Variants in THRB observed in about 807,000 individuals in gnomAD.
The protein encoded by THRB is nuclear receptor subfamily 1 group A member 2.
Under a neutral mutation model 47.8 loss-of-function variants are expected in THRB, and 12 were observed. The observed-to-expected ratio is 0.25, with a 90% confidence interval of 0.16 to 0.41. The LOEUF is 0.41. Ranked by LOEUF, THRB falls within the 10% of genes least tolerant of loss-of-function variation. The pLI, the probability that THRB is intolerant of heterozygous loss-of-function variation, is 1.00. For synonymous variants in THRB, 218 were observed against 212.2 expected, an observed-to-expected ratio of 1.03 and a Z score of -0.24; for missense variants, 348 against 589.2, an observed-to-expected ratio of 0.59 and a Z score of 4.24.
chr3:24,172,952 C>G (rs978588082), intron 5 of THRB, among the ~76,000 whole-genome samples: 2 of 152,090 alleles, frequency 1.3e-5, no homozygotes, highest in East Asian at 3.9e-4. Context: ...TGAAATATGT[C>G]AATTTCTAGG....
intron 5 of THRB, among the ~76,000 whole-genome samples, chr3:24,155,531 C>T (rs2037687352): frequency 6.6e-6 from 1 of 152,168 alleles, no homozygotes. Flanking sequence ...CACATAGTGA[C>T]TAGGTAGGTG....
intron 5 of THRB, among the ~76,000 whole-genome samples, chr3:24,158,867 TCTCTC>T (rs1559478849): frequency 6.8e-5 from 10 of 146,080 alleles, no homozygotes; most frequent in Admixed American, 2.1e-4. Context: ...TCTCTCTCTC[TCTCTC>T]GCATACTTGG....
rs2057629590 is a variant in THRB at position 24,309,877 on chromosome 3, A to T, written c.-188-12506T>A. 2.6e-5 allele frequency among the ~76,000 whole-genome samples: 4 copies of T among 152,214 alleles called. No individual in the cohort carries two copies. In the South Asian group the frequency reaches 8.3e-4, roughly 32 times the overall value. Reference sequence around the variant, plus strand: ...TGTATACCACTGATTAAATAAATTAAAAAACTCCATTCCCCTATTCAGTGC... The same window carrying T: ...TGTATACCACTGATTAAATAAATTATAAAACTCCATTCCCCTATTCAGTGC... On this transcript the variant is annotated intron_variant, in intron 2 of 10. Coordinates refer to ENST00000646209, the MANE Select transcript of THRB (RefSeq NM_001354712.2).
At chr3:24,254,164 C>T (rs2050970490) in intron 3 of THRB, among the ~76,000 whole-genome samples, 1 of 127,164 alleles carries the variant, frequency 7.9e-6, no homozygotes, top group African/African-American at 3.0e-5. Context: ...GAGATCGAGA[C>T]CATCCTGGCT....
intron 6 of THRB, among the ~76,000 whole-genome samples, chr3:24,147,370 AGACAGCCAT>A (rs2036230536): frequency 6.6e-6 from 1 of 152,212 alleles, no homozygotes; most frequent in South Asian, 2.1e-4. Flanking sequence ...TTGAATCTTG[AGACAGCCAT>A]GATCAGCTCA....
At position 24,119,222 on chromosome 3, in the gene THRB, G is replaced by A. The variant is rs938872024; in HGVS notation, c.*3662C>T. The stretch of plus-strand genomic sequence containing the variant: ...TTATTAAAATAACAGGAAAAATTAC[G>A]AGCTTATTTTAGAACCTGATGCCAT... On this transcript the variant is annotated 3_prime_UTR_variant, in exon 11 of 11. Transcript: ENST00000646209. 2 of 152,114 alleles carry A rather than the reference G, an allele frequency of 1.3e-5. No individual in the cohort carries two copies. The highest frequency in any genetic ancestry group is 2.4e-5 in the African/African-American group (1 of 41,314). 9.4% of individuals were successfully genotyped at this position (152,114 alleles called of 1,614,324 possible).
chr3:24,234,762 T>C (rs1368695068), intron 3 of THRB, among the ~76,000 whole-genome samples: 1 of 152,206 alleles, frequency 6.6e-6, no homozygotes, highest in Non-Finnish European at 1.5e-5. Context: ...TATGTGAGTT[T>C]GGCTTTGGAA....
Position 24,292,428 on chromosome 3 carries a change from C to T in THRB, c.-43+4798G>A, listed in dbSNP as rs2056021893. On this transcript the variant is annotated intron_variant, in intron 3 of 10. Coordinates refer to ENST00000646209, the MANE Select transcript of THRB (RefSeq NM_001354712.2). ...AGAAGCATCAGGGACACATCCAATT[C>T]TAATATTTATATTTTTAGATGGTGG... Among the ~76,000 whole-genome samples, 4 of 152,242 alleles carry T rather than the reference C, an allele frequency of 2.6e-5. No homozygotes were observed. The South Asian group carries it at 8.3e-4, about 32-fold the overall frequency.
intron 1 of THRB, among the ~76,000 whole-genome samples, chr3:24,449,621 T>C (rs113151225): frequency 6.6e-6 from 1 of 152,200 alleles, no homozygotes; most frequent in East Asian, 1.9e-4. Context: ...TTCTGCATAA[T>C]GCTTGTCTGT....
intron 1 of THRB, among the ~76,000 whole-genome samples, chr3:24,485,195 T>C (rs1318987544): frequency 6.6e-6 from 1 of 152,210 alleles, no homozygotes; most frequent in East Asian, 1.9e-4. Context: ...GAGAAACCCT[T>C]GAAGTAATAT....
chr3:24,129,346 A>C (rs539265366), intron 9 of THRB, among the ~76,000 whole-genome samples: 21 of 152,332 alleles, frequency 1.4e-4, no homozygotes, highest in Non-Finnish European at 2.5e-4. Flanking sequence ...ACTCTTGAGA[A>C]CCACTAGCAT....
At position 24,486,179 on chromosome 3, in the gene THRB, C is replaced by T. The variant is rs185456905; in HGVS notation, c.-261+8473G>A. 7.2e-5 allele frequency among the ~76,000 whole-genome samples: 11 copies of T among 152,228 alleles called. 1 individual carries two copies. In the East Asian group the frequency reaches 2.1e-3, roughly 29 times the overall value. ...GGTAGAAGCCAGCAATGCTGCTAAA[C>T]ATCCTGTAATATATACGACAGCCCT... On this transcript the variant is annotated intron_variant, in intron 1 of 10. Coordinates refer to ENST00000646209, the MANE Select transcript of THRB (RefSeq NM_001354712.2).
intron 1 of THRB, among the ~76,000 whole-genome samples, chr3:24,442,186 T>C (rs1165921443): frequency 6.6e-6 from 1 of 152,230 alleles, no homozygotes; most frequent in African/African-American, 2.4e-5. Context: ...GTCTATACCT[T>C]GTATCCTCAA....
At chr3:24,439,475 A>G (rs1396330234) in intron 1 of THRB, among the ~76,000 whole-genome samples, 1 of 152,174 alleles carries the variant, frequency 6.6e-6, no homozygotes, top group Non-Finnish European at 1.5e-5. Context: ...TTACAAAACC[A>G]TATCCATATG....
At chr3:24,464,009 G>A (rs971572008) in intron 1 of THRB, among the ~76,000 whole-genome samples, 6 of 152,300 alleles carry the variant, frequency 3.9e-5, no homozygotes, top group South Asian at 2.1e-4. Context: ...CACTTTGGGA[G>A]GCCGAGGTGG....
rs143296331 is a variant in THRB at position 24,157,341 on chromosome 3, G to A, written c.284-4851C>T. ...TTTGAACACTGAAGCACTGGTGGGCGGAGGAGGGGCGAGCAGGAGGACCAA... is the reference window on the plus strand; with the variant it reads ...TTTGAACACTGAAGCACTGGTGGGCAGAGGAGGGGCGAGCAGGAGGACCAA... On this transcript the variant is annotated intron_variant, in intron 5 of 10. Coordinates refer to ENST00000646209, the MANE Select transcript of THRB (RefSeq NM_001354712.2). 5.8e-3 allele frequency among the ~76,000 whole-genome samples: 877 copies of A among 152,016 alleles called. 5 individuals are homozygous for A. Among genetic ancestry groups the A allele is most frequent in the African/African-American group, 0.02 (825 of 41,474 alleles).
At chr3:24,149,661 CTTTTT>C (rs567519189) in intron 6 of THRB, among the ~76,000 whole-genome samples, 1 of 151,450 alleles carries the variant, frequency 6.6e-6, no homozygotes, top group Non-Finnish European at 1.5e-5. Flanking sequence ...GTTGGCCTTT[CTTTTT>C]TTTGTTTTTT....
At chr3:24,433,568 G>A (rs761999318) in intron 1 of THRB, among the ~76,000 whole-genome samples, 15 of 152,068 alleles carry the variant, frequency 9.9e-5, no homozygotes, top group Non-Finnish European at 1.5e-4. Context: ...CATTTCTGAC[G>A]TCTGACCTCC....
At chr3:24,473,492 G>C (rs567548789) in intron 1 of THRB, among the ~76,000 whole-genome samples, 1 of 152,202 alleles carries the variant, frequency 6.6e-6, no homozygotes, top group Non-Finnish European at 1.5e-5. Flanking sequence ...CTGTTGGTGG[G>C]AGTGTAAATT....
Sources: gnomAD v4.1 joint callset for allele counts (sites outside exome capture counted in the v4.1 genomes callset) on GRCh38, gnomAD v4.1.1 for gene constraint, MANE v1.5 for transcripts, NCBI Gene and HGNC (gene_info 2026-07-23, HGNC 2026-07-21) for gene names.